Variants in FBXL7 observed in about 807,000 individuals in gnomAD.
FBXL7 encodes F-box and leucine rich repeat protein 7.
A neutral mutation model predicts 38.3 loss-of-function variants in FBXL7; 12 were observed. The observed-to-expected ratio is 0.31, with a 90% confidence interval of 0.20 to 0.51. FBXL7 has a LOEUF of 0.51. Ranked by LOEUF, FBXL7 falls within the 20% of genes least tolerant of loss-of-function variation. FBXL7 has a pLI of 0.98. For missense variants in FBXL7, 567 were observed against 676.4 expected (o/e 0.84, Z 1.79); for synonymous variants, 297 against 300.9 (o/e 0.99, Z 0.13).
At chr5:15,501,641 G>A in intron 1 of FBXL7, 1 of 985,524 alleles carries the variant, frequency 1.0e-6, no homozygotes, top group African/African-American at 1.7e-5. Flanking sequence ...CAGACTGGTA[G>A]GAATGCAGGC....
chr5:15,883,227 C>G lies in FBXL7; in HGVS notation c.128-44663C>G, dbSNP rs902336311. Among the ~76,000 whole-genome samples the G allele has an allele frequency of 2.0e-5, 3 of 152,198 alleles. No homozygotes were observed. The East Asian group carries it at 5.8e-4, about 29-fold the overall frequency. ...CATAATTGCTATCTTGGTATAGATG[C>G]TGCCTAAAAGCCTTGTGATGGGGCA... On this transcript the variant is annotated intron_variant, in intron 2 of 3. Coordinates refer to ENST00000504595, the MANE Select transcript of FBXL7 (RefSeq NM_012304.5).
chr5:15,536,010 G>A (rs1737573052), intron 1 of FBXL7, among the ~76,000 whole-genome samples: 1 of 152,258 alleles, frequency 6.6e-6, no homozygotes, highest in South Asian at 2.1e-4. Flanking sequence ...TTGGGACTGA[G>A]CATCTTACCT....
chr5:15,695,599 T>G (rs1002992705), intron 2 of FBXL7, among the ~76,000 whole-genome samples: 2 of 152,166 alleles, frequency 1.3e-5, no homozygotes, highest in African/African-American at 4.8e-5. Flanking sequence ...TTCTTAGTGA[T>G]TAGTCACAAC....
At chr5:15,830,031 G>A (rs906259985) in intron 2 of FBXL7, among the ~76,000 whole-genome samples, 10 of 152,234 alleles carry the variant, frequency 6.6e-5, no homozygotes, top group African/African-American at 2.2e-4. Flanking sequence ...CATTTAGCAC[G>A]TTTTTTGCCC....
chr5:15,851,532 G>A (rs1272774036), intron 2 of FBXL7, among the ~76,000 whole-genome samples: 4 of 152,080 alleles, frequency 2.6e-5, no homozygotes, highest in Non-Finnish European at 5.9e-5. Context: ...TGCAGCATAA[G>A]GACATGTTTA....
chr5:15,638,834 T>C (rs917931775), intron 2 of FBXL7, among the ~76,000 whole-genome samples: 1 of 152,082 alleles, frequency 6.6e-6, no homozygotes, highest in Non-Finnish European at 1.5e-5. Context: ...ATGCTGCCAA[T>C]GTTAGTAGCA....
chr5:15,825,645 A>C (rs1056750617), intron 2 of FBXL7, among the ~76,000 whole-genome samples: 1 of 152,302 alleles, frequency 6.6e-6, no homozygotes, highest in Admixed American at 6.5e-5. Flanking sequence ...TGGAAATTTT[A>C]TTTTAAGTGT....
chr5:15,678,508 T>A (rs1037349144), intron 2 of FBXL7, among the ~76,000 whole-genome samples: 1 of 151,844 alleles, frequency 6.6e-6, no homozygotes, highest in African/African-American at 2.4e-5. Flanking sequence ...TGAAAACAGC[T>A]GTTGTCTTGA....
intron 1 of FBXL7, among the ~76,000 whole-genome samples, chr5:15,515,536 T>A (rs1736910940): frequency 6.6e-6 from 1 of 152,234 alleles, no homozygotes; most frequent in Non-Finnish European, 1.5e-5. Flanking sequence ...GGTCCTGTTT[T>A]ACTGATTGTC....
intron 2 of FBXL7, among the ~76,000 whole-genome samples, chr5:15,808,212 A>G (rs1168523206): frequency 2.0e-5 from 3 of 152,022 alleles, no homozygotes; most frequent in African/African-American, 2.4e-5. Context: ...TGAGACAGCA[A>G]TGGGCATTTT....
chr5:15,904,103 A>G (rs927636038), intron 2 of FBXL7, among the ~76,000 whole-genome samples: 5 of 152,018 alleles, frequency 3.3e-5, no homozygotes, highest in African/African-American at 4.8e-5. Flanking sequence ...ACATTTTTCT[A>G]TTTTTCTTAC....
intron 1 of FBXL7, among the ~76,000 whole-genome samples, chr5:15,605,404 A>G (rs1022108454): frequency 6.6e-6 from 1 of 152,240 alleles, no homozygotes; most frequent in Non-Finnish European, 1.5e-5. Context: ...TTCAGCCATG[A>G]AAAGGAATGA....
chr5:15,825,641 T>C (rs2126768386), intron 2 of FBXL7, among the ~76,000 whole-genome samples: 1 of 152,326 alleles, frequency 6.6e-6, no homozygotes, highest in South Asian at 2.1e-4. Context: ...GCTATGGAAA[T>C]TTTATTTTAA....
At chr5:15,787,834 T>TC (rs1737170344) in intron 2 of FBXL7, among the ~76,000 whole-genome samples, 1 of 152,210 alleles carries the variant, frequency 6.6e-6, no homozygotes, top group Admixed American at 6.5e-5. Flanking sequence ...TATGTGACTG[T>TC]CTTCATTAAA....
intron 2 of FBXL7, among the ~76,000 whole-genome samples, chr5:15,915,488 C>T (rs1741560959): frequency 6.6e-6 from 1 of 152,204 alleles, no homozygotes; most frequent in Non-Finnish European, 1.5e-5. Context: ...TGTGTCTATA[C>T]CCTGTGTCTC....
chr5:15,709,390 C>A (rs1339722509), intron 2 of FBXL7, among the ~76,000 whole-genome samples: 1 of 151,824 alleles, frequency 6.6e-6, no homozygotes, highest in African/African-American at 2.4e-5. Context: ...AAAAATTAGC[C>A]GGGTGTGGTT....
chr5:15,739,055 G>C (rs1735828611), intron 2 of FBXL7, among the ~76,000 whole-genome samples: 1 of 152,188 alleles, frequency 6.6e-6, no homozygotes, highest in East Asian at 1.9e-4. Context: ...TGAGCGAAGT[G>C]ATCATTATGT....
chr5:15,662,285 A>G (rs1742110999), intron 2 of FBXL7, among the ~76,000 whole-genome samples: 1 of 152,158 alleles, frequency 6.6e-6, no homozygotes, highest in Non-Finnish European at 1.5e-5. Flanking sequence ...TATCAGCTGC[A>G]TGTATGTCTT....
At chr5:15,818,714 G>T (rs1451149451) in intron 2 of FBXL7, among the ~76,000 whole-genome samples, 3 of 86,608 alleles carry the variant, frequency 3.5e-5, no homozygotes, top group East Asian at 4.1e-4. Context: ...GTGTGTGTGT[G>T]TGTGTGTGTG....
Sources: allele counts gnomAD v4.1 joint callset (sites outside exome capture counted in the v4.1 genomes callset), GRCh38; gene constraint gnomAD v4.1.1; transcripts MANE v1.5; gene names NCBI Gene and HGNC (gene_info 2026-07-23, HGNC 2026-07-21).